ZNF251: variants seen among roughly 807,000 people sequenced by gnomAD.
The protein encoded by ZNF251 is zinc finger protein 251.
ZNF251 carries 14 observed loss-of-function variants against 13.5 expected under a neutral mutation model. That is an observed-to-expected ratio of 1.04 (90% CI 0.69 to 1.63). The LOEUF (loss-of-function observed/expected upper bound fraction) is 1.63. ZNF251 is among the 40% of genes most tolerant of loss of function. The pLI is 0.00. For missense variants in ZNF251, 764 were observed against 834.9 expected (o/e 0.92, Z 1.05); for synonymous variants, 287 against 295.2 (o/e 0.97, Z 0.28).
At chr8:144,729,492 A>G (rs1256683017) in intron 4 of ZNF251, among the ~76,000 whole-genome samples, 3 of 151,174 alleles carry the variant, frequency 2.0e-5, no homozygotes, top group Non-Finnish European at 2.9e-5. Flanking sequence ...GCCCGCCACC[A>G]CGCCCGGCTA....
At chr8:144,744,107 G>A (rs528493516) in intron 4 of ZNF251, among the ~76,000 whole-genome samples, 2 of 146,990 alleles carry the variant, frequency 1.4e-5, no homozygotes, top group South Asian at 2.3e-4. Flanking sequence ...TCTGCCTCCC[G>A]GGTTCAGGCG....
chr8:144,732,641 T>C (rs1349345091), intron 4 of ZNF251, among the ~76,000 whole-genome samples: 1 of 151,432 alleles, frequency 6.6e-6, no homozygotes, highest in Non-Finnish European at 1.5e-5. Context: ...TGAAACCCCG[T>C]CTCTACTAAA....
At chr8:144,742,231 T>C (rs373814419) in intron 4 of ZNF251, among the ~76,000 whole-genome samples, 1 of 149,420 alleles carries the variant, frequency 6.7e-6, no homozygotes, top group African/African-American at 2.5e-5. Context: ...AAAAGCAAAA[T>C]AAAGGTACTT....
chr8:144,752,585 T>C (rs1399597713), intron 4 of ZNF251, among the ~76,000 whole-genome samples: 1 of 152,230 alleles, frequency 6.6e-6, no homozygotes, highest in African/African-American at 2.4e-5. Context: ...AGCTCTTACA[T>C]GTAGAAACCA....
chr8:144,754,345 C>CATTCTGTGTG, intron 2 of ZNF251, 24 bp from the exon 3 acceptor site: 1 of 1,577,066 alleles, frequency 6.3e-7, no homozygotes, highest in Admixed American at 1.8e-5. Context: ...TCGCCGCTGC[C>CATTCTGTGTG]CAGGCCATGC....
In ZNF251 at chr8:144,722,511, C is replaced by T. The variant is rs1211612473; in HGVS notation, c.1149G>A (p.Gly383=). The T allele has an allele frequency of 1.2e-6, 2 of 1,613,750 alleles. No individual in the cohort carries two copies. Among genetic ancestry groups the T allele is most frequent in the East Asian group, 2.2e-5 (1 of 44,854 alleles). ...GEKPHKCNQC[G]KAFSQSSSLF... ...GGCTTGAGCTCTGACTGAAGGCCTT[C>T]CCACACTGATTGCATTTATGGGGCT... Residue 383 remains glycine, a synonymous_variant, in exon 5 of 5, where the codon GGG becomes GGA. Coordinates refer to ENST00000292562, the MANE Select transcript of ZNF251 (RefSeq NM_138367.2). The surrounding 1 kb of genome is among the most constrained non-coding windows in gnomAD (Gnocchi z 4.8).
At position 144,734,499 on chromosome 8, in the gene ZNF251, A is replaced by G. The variant is rs979772351; in HGVS notation, c.278-11117T>C. On this transcript the variant is annotated intron_variant, in intron 4 of 4. Transcript: ENST00000292562. This position sits in a 1 kb window ranked among gnomAD's most constrained non-coding sequence, Gnocchi z 4.4. Reference sequence around the variant, plus strand: ...GTGTAAGGCTCACAGCAACGGCATGAACTCTACTTGGTGCCGCTGGCCCTG... The same window carrying G: ...GTGTAAGGCTCACAGCAACGGCATGGACTCTACTTGGTGCCGCTGGCCCTG... 2.6e-5 allele frequency among the ~76,000 whole-genome samples: 4 copies of G among 152,154 alleles called. No individual in the cohort carries two copies. Among genetic ancestry groups the G allele is most frequent in the African/African-American group, 9.7e-5 (4 of 41,444 alleles).
intron 4 of ZNF251, among the ~76,000 whole-genome samples, chr8:144,746,253 C>T (rs1465878171): frequency 6.6e-6 from 1 of 152,214 alleles, no homozygotes; most frequent in African/African-American, 2.4e-5. Context: ...ACCACATGAT[C>T]TTTCTTCAGC....
chr8:144,747,091 C>T (rs1252527534), intron 4 of ZNF251, among the ~76,000 whole-genome samples: 1 of 152,174 alleles, frequency 6.6e-6, no homozygotes, highest in Non-Finnish European at 1.5e-5. Flanking sequence ...CTAATACATG[C>T]AGTCAATGCT....
chr8:144,750,214 C>T (rs1824630027), intron 4 of ZNF251, among the ~76,000 whole-genome samples: 1 of 152,124 alleles, frequency 6.6e-6, no homozygotes, highest in African/African-American at 2.4e-5. Context: ...TTTAAGTATG[C>T]TTTGTAATTT....
At position 144,734,616 on chromosome 8, in the gene ZNF251, C is replaced by G. The variant is rs1823823756; in HGVS notation, c.278-11234G>C. On this transcript the variant is annotated intron_variant, in intron 4 of 4. Coordinates refer to ENST00000292562, the MANE Select transcript of ZNF251 (RefSeq NM_138367.2). This position sits in a 1 kb window ranked among gnomAD's most constrained non-coding sequence, Gnocchi z 4.4. ...GGTCAGTGACCTCCCACAGAGGTCA[C>G]TGGGACACCCTGAAGAGGGAGGCGC... Among the ~76,000 whole-genome samples, 1 of 152,186 alleles carries G rather than the reference C, an allele frequency of 6.6e-6. No individual in the cohort carries two copies. Among genetic ancestry groups the G allele is most frequent in the South Asian group, 2.1e-4 (1 of 4,826 alleles).
At chr8:144,742,541 A>G (rs117084674) in intron 4 of ZNF251, among the ~76,000 whole-genome samples, 2 of 150,850 alleles carry the variant, frequency 1.3e-5, no homozygotes, top group Non-Finnish European at 3.0e-5. Context: ...ATGAACCCAC[A>G]CTGACACATC....
intron 4 of ZNF251, among the ~76,000 whole-genome samples, chr8:144,752,917 A>G (rs1824762055): frequency 6.6e-6 from 1 of 152,136 alleles, no homozygotes; most frequent in African/African-American, 2.4e-5. Context: ...TGGCAGTCAA[A>G]GATAATACTT....
chr8:144,736,219 C>T (rs1156468387), intron 4 of ZNF251, among the ~76,000 whole-genome samples: 5 of 152,080 alleles, frequency 3.3e-5, no homozygotes, highest in Admixed American at 3.3e-4. Context: ...CCTTTCCCGA[C>T]TTGAGAGAAT....
intron 4 of ZNF251, chr8:144,730,222 G>T: frequency 1.7e-6 from 1 of 581,452 alleles, no homozygotes; most frequent in Non-Finnish European, 2.2e-6. Context: ...CCAATCCCTG[G>T]ACTGAAAGAG....
At position 144,722,893 on chromosome 8, in the gene ZNF251, T is replaced by A. The variant is rs371758544; in HGVS notation, c.767A>T (p.His256Leu). 6.2e-7 allele frequency: 1 copy of A among 1,613,906 alleles called. No homozygotes were observed. Among genetic ancestry groups the A allele is most frequent in the Non-Finnish European group, 8.5e-7 (1 of 1,179,904 alleles). ...TGGTTTATTTCCAGTGTGAATGTGA[T>A]GGTGCAGAACAAGATTTGAGCTGTG... Reference protein sequence around the residue: ...FTHSSNLVLHHHIHTGNKPFK... With the variant: ...FTHSSNLVLHLHIHTGNKPFK... Residue 256 changes from histidine to leucine, a missense_variant, in exon 5 of 5, where the codon CAT becomes CTT. Physicochemically the swap from His to Leu is moderately conservative, Grantham distance 99. Transcript: ENST00000292562. This position sits in a 1 kb window ranked among gnomAD's most constrained non-coding sequence, Gnocchi z 4.8.
At chr8:144,732,626 C>A (rs752328269) in intron 4 of ZNF251, among the ~76,000 whole-genome samples, 30 of 151,300 alleles carry the variant, frequency 2.0e-4, no homozygotes, top group Non-Finnish European at 2.9e-4. Flanking sequence ...TCCTGGCCAA[C>A]ACGGTGAAAC....
At chr8:144,736,612 C>A (rs1414596607) in intron 4 of ZNF251, among the ~76,000 whole-genome samples, 1 of 152,044 alleles carries the variant, frequency 6.6e-6, no homozygotes, top group Non-Finnish European at 1.5e-5. Context: ...CTGCCTCAGC[C>A]TCCCAAGTAG....
intron 4 of ZNF251, among the ~76,000 whole-genome samples, chr8:144,726,003 C>T (rs1265138759): frequency 6.6e-6 from 1 of 151,738 alleles, no homozygotes; most frequent in African/African-American, 2.4e-5. Flanking sequence ...TTGAGACCAA[C>T]CTGGCCAACA....
Sources: gnomAD v4.1 joint callset for allele counts (sites outside exome capture counted in the v4.1 genomes callset) on GRCh38, gnomAD v4.1.1 for gene constraint, Gnocchi (gnomAD v3.1) non-coding constraint, MANE v1.5 for transcripts, NCBI Gene and HGNC (gene_info 2026-07-23, HGNC 2026-07-21) for gene names.